Variants in DAPK1 observed in about 807,000 individuals in gnomAD.
DAPK1 encodes the protein death associated protein kinase 1, also known as death-associated protein kinase 1.
A neutral mutation model predicts 144.9 loss-of-function variants in DAPK1; 56 were observed. That is an observed-to-expected ratio of 0.39 (90% CI 0.31 to 0.48). The LOEUF (loss-of-function observed/expected upper bound fraction) is 0.48, where lower values mean the gene tolerates loss of function less well. DAPK1 is among the 20% of genes least tolerant of loss of function. The pLI, the probability that DAPK1 is intolerant of heterozygous loss-of-function variation, is 0.95. For missense variants in DAPK1, 1,454 were observed against 1,875.4 expected (o/e 0.78, Z 4.15); for synonymous variants, 690 against 749.0 (o/e 0.92, Z 1.29).
At chr9:87,700,327 A>C in intron 24 of DAPK1, 90 bp downstream of exon 24, 1 of 949,870 alleles carries the variant, frequency 1.1e-6, no homozygotes, top group Non-Finnish European at 1.7e-6. Context: ...AGTAGGACCC[A>C]GTAAGAGGTG....
chr9:87,681,388 T>G lies in DAPK1; in HGVS notation c.2002-16T>G, dbSNP rs1465285727. On this transcript the variant is annotated splice_polypyrimidine_tract_variant and intron_variant, in intron 19 of 25. Transcript: ENST00000408954. ...CTTTTTCTGTCACTCACTGGCTCTT[T>G]CTCATCCATGCTCAGGATACGCACC... The G allele has an allele frequency of 6.9e-7, 1 of 1,447,010 alleles. No homozygotes were observed. Among genetic ancestry groups the G allele is most frequent in the Admixed American group, 1.7e-5 (1 of 58,680 alleles). The allele number at this position is 1,447,010 out of a possible 1,614,324, so 89.6% of individuals were successfully genotyped here.
intron 2 of DAPK1, among the ~76,000 whole-genome samples, chr9:87,526,651 T>C (rs1390060635): frequency 6.6e-6 from 1 of 152,200 alleles, no homozygotes; most frequent in African/African-American, 2.4e-5. Context: ...CCAGGTATAT[T>C]TGGTATTTTT....
rs141607209 is a variant in DAPK1 at position 87,603,505 on chromosome 9, C to T, written c.63-1449C>T. Among the ~76,000 whole-genome samples the T allele has an allele frequency of 3.0e-3, 452 of 152,318 alleles. 11 individuals carry two copies. In the South Asian group the frequency reaches 0.036, roughly 12 times the overall value. On this transcript the variant is annotated intron_variant, in intron 2 of 25. Coordinates refer to ENST00000408954, the MANE Select transcript of DAPK1 (RefSeq NM_004938.4). The stretch of plus-strand genomic sequence containing the variant: ...TAAAGATAATCCTTCTCTCTGTGTT[C>T]CTTCTTCACTGGCCTCCTACTGCTA...
intron 18 of DAPK1, among the ~76,000 whole-genome samples, chr9:87,661,213 C>T (rs572963293): frequency 8.5e-5 from 13 of 152,208 alleles, no homozygotes; most frequent in Admixed American, 1.3e-4. Flanking sequence ...AGTCCTCTGT[C>T]GGTGGACACT....
At chr9:87,531,324 C>G (rs1045430740) in intron 2 of DAPK1, among the ~76,000 whole-genome samples, 4 of 152,128 alleles carry the variant, frequency 2.6e-5, no homozygotes, top group Non-Finnish European at 4.4e-5. Flanking sequence ...CCTGGTCGTT[C>G]AAAGAAGAAA....
chr9:87,671,921 T>G (rs1188940135), intron 19 of DAPK1, among the ~76,000 whole-genome samples: 2 of 152,118 alleles, frequency 1.3e-5, no homozygotes, highest in African/African-American at 4.8e-5. Flanking sequence ...TACAGAGTAG[T>G]GCCTAAGAGC....
intron 2 of DAPK1, among the ~76,000 whole-genome samples, chr9:87,532,336 C>G (rs917910417): frequency 1.3e-5 from 2 of 152,172 alleles, no homozygotes; most frequent in Non-Finnish European, 2.9e-5. Context: ...TAAAGTTTTA[C>G]TGGAACACAC....
chr9:87,530,064 G>A (rs1345977914), intron 2 of DAPK1, among the ~76,000 whole-genome samples: 3 of 152,130 alleles, frequency 2.0e-5, no homozygotes, highest in South Asian at 2.1e-4. Context: ...AGTCCTCAAC[G>A]CAGTCCTGTT....
Position 87,609,465 on chromosome 9 carries a change from G to A in DAPK1, c.284+4290G>A, listed in dbSNP as rs570392102. ...TCTGTCCCATTTTTTATGTATTTACGTTACCTTGAAGAGGTGTGTTATAAT... is the reference window on the plus strand; with the variant it reads ...TCTGTCCCATTTTTTATGTATTTACATTACCTTGAAGAGGTGTGTTATAAT... On this transcript the variant is annotated intron_variant, in intron 3 of 25. Coordinates refer to ENST00000408954, the MANE Select transcript of DAPK1 (RefSeq NM_004938.4). Among the ~76,000 whole-genome samples the A allele has an allele frequency of 1.2e-3, 189 of 152,132 alleles. 1 individual carries two copies. Among genetic ancestry groups the A allele is most frequent in the African/African-American group, 4.3e-3 (179 of 41,512 alleles).
chr9:87,564,439 C>T (rs958549769), intron 2 of DAPK1, among the ~76,000 whole-genome samples: 11 of 152,108 alleles, frequency 7.2e-5, no homozygotes, highest in South Asian at 2.1e-4. Context: ...TAACAGAATA[C>T]GTGAGAATGG....
chr9:87,681,583 C>T lies in DAPK1; in HGVS notation c.2181C>T (p.Asn727=), dbSNP rs1188399551. 1.9e-6 allele frequency: 3 copies of T among 1,610,972 alleles called. No homozygotes were observed. Among genetic ancestry groups the T allele is most frequent in the Non-Finnish European group, 2.5e-6 (3 of 1,177,090 alleles). The change falls in exon 20 of 26, where the codon AAC becomes AAT. Residue 727 remains asparagine (N), a synonymous_variant. Transcript: ENST00000408954. ...RRRRPRLSST[N]SSRFPPSPLA... is the part of the protein sequence containing the mutation. ...GTCGGCCCAGACTGTCTTCCACCAA[C>T]TCCAGCAGGTTCCCACCTTCACCCC...
chr9:87,525,443 G>T, intron 2 of DAPK1: 3 of 1,608,488 alleles, frequency 1.9e-6, no homozygotes, highest in African/African-American at 2.7e-5. Flanking sequence ...CCGTCAGTAC[G>T]CGAAGGATAT....
At chr9:87,642,985 A>G (rs764010206) in intron 10 of DAPK1, among the ~76,000 whole-genome samples, 4 of 152,184 alleles carry the variant, frequency 2.6e-5, no homozygotes, top group Non-Finnish European at 5.9e-5. Flanking sequence ...CACAAAGGAC[A>G]CAGAGCAAGG....
chr9:87,579,823 T>C (rs1175512530), intron 2 of DAPK1, among the ~76,000 whole-genome samples: 1 of 152,196 alleles, frequency 6.6e-6, no homozygotes, highest in African/African-American at 2.4e-5. Flanking sequence ...CATCCAGCCA[T>C]CCATTCATTC....
At position 87,639,356 on chromosome 9, in the gene DAPK1, T is replaced by C. The variant is rs764640592; in HGVS notation, c.426T>C (p.Pro142=). The C allele has an allele frequency of 1.2e-6, 2 of 1,604,898 alleles. No homozygotes were observed. Among genetic ancestry groups the C allele is most frequent in the South Asian group, 1.1e-5 (1 of 88,704 alleles). The change falls in exon 5 of 26, where the codon CCT becomes CCC. Residue 142 remains proline, a splice_region_variant and synonymous_variant. Coordinates refer to ENST00000408954, the MANE Select transcript of DAPK1 (RefSeq NM_004938.4). ...TTTATCTCTCTCTTTTTTTCAAGCCTGAGAACATAATGCTTTTGGATAGAA... is the reference window on the plus strand; with the variant it reads ...TTTATCTCTCTCTTTTTTTCAAGCCCGAGAACATAATGCTTTTGGATAGAA... ...SLQIAHFDLK[P]ENIMLLDRNV...
intron 3 of DAPK1, among the ~76,000 whole-genome samples, chr9:87,615,554 T>C (rs558837774): frequency 1.3e-5 from 2 of 152,366 alleles, no homozygotes; most frequent in East Asian, 3.9e-4. Context: ...GAGTTGATTA[T>C]TTCAAAAATG....
At chr9:87,521,648 A>G (rs1563972683) in intron 2 of DAPK1, among the ~76,000 whole-genome samples, 1 of 152,210 alleles carries the variant, frequency 6.6e-6, no homozygotes, top group Non-Finnish European at 1.5e-5. Context: ...CATCTCATTT[A>G]GTGTACTTTT....
chr9:87,549,876 A>AT (rs578244787), intron 2 of DAPK1, among the ~76,000 whole-genome samples: 1 of 151,942 alleles, frequency 6.6e-6, no homozygotes, highest in Non-Finnish European at 1.5e-5. Context: ...CACAATGAAC[A>AT]TTTTTTTTAT....
chr9:87,700,795 C>G (rs1825432212), intron 24 of DAPK1, among the ~76,000 whole-genome samples: 1 of 152,126 alleles, frequency 6.6e-6, no homozygotes, highest in Admixed American at 6.5e-5. Context: ...GCCACCATGC[C>G]TGGCCAATTT....
Sources: gnomAD v4.1 joint callset for allele counts (sites outside exome capture counted in the v4.1 genomes callset) on GRCh38, gnomAD v4.1.1 for gene constraint, MANE v1.5 for transcripts, NCBI Gene and HGNC (gene_info 2026-07-23, HGNC 2026-07-21) for gene names.